KCNJ15: variants seen among roughly 807,000 people sequenced by gnomAD.
The protein encoded by KCNJ15 is ATP-sensitive inward rectifier potassium channel 15.
A neutral mutation model predicts 23.0 loss-of-function variants in KCNJ15; 14 were observed. That is an observed-to-expected ratio of 0.61 (90% CI 0.40 to 0.95). KCNJ15 has a LOEUF of 0.95. KCNJ15 is among the 40% of genes least tolerant of loss of function. The pLI, the probability that KCNJ15 is intolerant of heterozygous loss-of-function variation, is 0.00. For missense variants in KCNJ15, 388 were observed against 461.8 expected, an observed-to-expected ratio of 0.84 and a Z score of 1.46; for synonymous variants, 185 against 183.2, an observed-to-expected ratio of 1.01 and a Z score of -0.08.
intron 1 of KCNJ15, among the ~76,000 whole-genome samples, chr21:38,290,995 AACACAC>A (rs57018976): frequency 4.7e-5 from 6 of 127,196 alleles, no homozygotes; most frequent in African/African-American, 8.8e-5. Context: ...AAAAAGGCTA[AACACAC>A]ACACACACAC....
rs924512033 is a variant in KCNJ15, at chr21:38,302,213, T to C, written c.*1824T>C. On this transcript the variant is annotated 3_prime_UTR_variant, in exon 3 of 3. Coordinates refer to ENST00000398938, the MANE Select transcript of KCNJ15 (RefSeq NM_170736.3). ...TTCTAGTTCTATAAAAATATGAACA[T>C]TGGGACTCAGAGAAAATGGGGAAAA... 1.3e-5 allele frequency: 2 copies of C among 152,214 alleles called. No homozygotes were observed. Among genetic ancestry groups the C allele is most frequent in the African/African-American group, 2.4e-5 (1 of 41,458 alleles). 9.4% of individuals were successfully genotyped at this position (152,214 alleles called of 1,614,324 possible). A position where few individuals can be genotyped will look rare whatever the true frequency, so the allele number is the denominator to read the frequency against.
chr21:38,285,168 C>T (rs1296290293), intron 1 of KCNJ15, among the ~76,000 whole-genome samples: 1 of 152,190 alleles, frequency 6.6e-6, no homozygotes. Context: ...AATGAAGGCT[C>T]TTGTTGATTT....
Position 38,289,196 on chromosome 21 carries a change from C to CAAAAAA in KCNJ15, c.-116-7713_-116-7708dup, listed in dbSNP as rs66914079. On this transcript the variant is annotated intron_variant, in intron 1 of 2. Coordinates refer to ENST00000398938, the MANE Select transcript of KCNJ15 (RefSeq NM_170736.3). ...CCTCGGCAACAGAGCAAGACTGTCT[C>CAAAAAA]AAAAAAAAAAAAAAAAAAAAAAGGT... 2.3e-3 allele frequency among the ~76,000 whole-genome samples: 165 copies of CAAAAAA among 72,398 alleles called. 4 individuals carry two copies. The highest frequency in any genetic ancestry group is 7.5e-3 in the African/African-American group (159 of 21,280). The allele number at this position is 72,398 out of a possible 152,430, so 47.5% of individuals were successfully genotyped here. A position where few individuals can be genotyped will look rare whatever the true frequency, so the allele number is the denominator to read the frequency against.
rs544896155 is a variant in KCNJ15 at position 38,260,787 on chromosome 21, C to G, written c.-117+3602C>G. On this transcript the variant is annotated intron_variant, in intron 1 of 2. Coordinates refer to ENST00000398938, the MANE Select transcript of KCNJ15 (RefSeq NM_170736.3). ...GGACTGAGGACCTACAGAGGGAACACTGGAAAGAATTAGCAACAGAATAAG... is the reference window on the plus strand; with the variant it reads ...GGACTGAGGACCTACAGAGGGAACAGTGGAAAGAATTAGCAACAGAATAAG... Among the ~76,000 whole-genome samples, 3 of 152,308 alleles carry G rather than the reference C, an allele frequency of 2.0e-5. No individual in the cohort carries two copies. In the South Asian group the frequency reaches 6.2e-4, roughly 32 times the overall value.
At chr21:38,266,054 G>A (rs1479845688) in intron 1 of KCNJ15, among the ~76,000 whole-genome samples, 2 of 152,066 alleles carry the variant, frequency 1.3e-5, no homozygotes, top group Non-Finnish European at 2.9e-5. Flanking sequence ...GGAGAGTGAG[G>A]GCCACAGTCA....
intron 1 of KCNJ15, among the ~76,000 whole-genome samples, chr21:38,240,872 A>G (rs970309044): frequency 1.3e-5 from 2 of 152,198 alleles, no homozygotes; most frequent in East Asian, 1.9e-4. Context: ...TGAAATGCAC[A>G]TCTCGCATTC....
intron 1 of KCNJ15, among the ~76,000 whole-genome samples, chr21:38,248,671 CA>C (rs761342217): frequency 9.2e-5 from 14 of 152,120 alleles, no homozygotes; most frequent in South Asian, 2.1e-4. Context: ...TTCTGTGTCC[CA>C]CAATTCAAAC....
chr21:38,246,104 T>G (rs1440503544), intron 1 of KCNJ15, among the ~76,000 whole-genome samples: 1 of 152,236 alleles, frequency 6.6e-6, no homozygotes, highest in Non-Finnish European at 1.5e-5. Context: ...AATAAATTAA[T>G]AATTAAATGA....
At chr21:38,244,331 C>A (rs1004122614) in intron 1 of KCNJ15, among the ~76,000 whole-genome samples, 1 of 152,124 alleles carries the variant, frequency 6.6e-6, no homozygotes, top group Non-Finnish European at 1.5e-5. Flanking sequence ...AACTTAGGAC[C>A]AAGAGGTGGA....
At chr21:38,264,803 T>C (rs1981292988) in intron 1 of KCNJ15, among the ~76,000 whole-genome samples, 1 of 151,980 alleles carries the variant, frequency 6.6e-6, no homozygotes. Context: ...TATTAAGGAG[T>C]GACAAGAAAC....
intron 1 of KCNJ15, among the ~76,000 whole-genome samples, chr21:38,248,451 G>A (rs929221608): frequency 4.6e-5 from 7 of 152,198 alleles, no homozygotes; most frequent in Non-Finnish European, 8.8e-5. Flanking sequence ...ATTTATTCAA[G>A]TAATCTAAAC....
intron 1 of KCNJ15, among the ~76,000 whole-genome samples, chr21:38,280,914 A>G (rs757885170): frequency 7.2e-5 from 11 of 152,276 alleles, no homozygotes; most frequent in Non-Finnish European, 5.9e-5. Flanking sequence ...ATAACCATCC[A>G]TGGAAGAAAT....
chr21:38,291,890 A>G (rs995738180), intron 1 of KCNJ15: 5 of 152,264 alleles, frequency 3.3e-5, no homozygotes, highest in African/African-American at 4.8e-5. Context: ...CTTTGTCTGA[A>G]ATATGGGAAT....
intron 1 of KCNJ15, among the ~76,000 whole-genome samples, chr21:38,231,891 T>C (rs1978320447): frequency 1.3e-5 from 2 of 151,930 alleles, no homozygotes. Context: ...TGAGAACTTT[T>C]GTGTTTATAT....
intron 1 of KCNJ15, among the ~76,000 whole-genome samples, chr21:38,260,663 C>G (rs1331028180): frequency 6.6e-6 from 1 of 152,148 alleles, no homozygotes; most frequent in Non-Finnish European, 1.5e-5. Flanking sequence ...AGGAGAAGGA[C>G]AAAGTTTTGC....
chr21:38,299,638 C>CA lies in KCNJ15; in HGVS notation c.379dup (p.Thr127AsnfsTer31). 1 of 1,614,190 alleles carries CA rather than the reference C, an allele frequency of 6.2e-7. No individual in the cohort carries two copies. Among genetic ancestry groups the CA allele is most frequent in the Non-Finnish European group, 8.5e-7 (1 of 1,180,032 alleles). ...TTTCTCTTTTCCCTGGAATCCCAGA[C>CA]AACCATTGGCTATGGAGTCCGTTCC... is the stretch of plus-strand genomic sequence containing the variant. On this transcript the variant is annotated frameshift_variant, in exon 3 of 3. Transcript: ENST00000398938. LOFTEE classifies it high-confidence loss of function. The surrounding 1 kb of genome is among the most constrained non-coding windows in gnomAD (Gnocchi z 4.5).
At position 38,275,648 on chromosome 21, in the gene KCNJ15, T is replaced by G. The variant is rs1434354446; in HGVS notation, c.-117+18463T>G. Among the ~76,000 whole-genome samples the G allele has an allele frequency of 3.3e-5, 5 of 152,208 alleles. No homozygotes were observed. The East Asian group carries it at 9.6e-4, about 29-fold the overall frequency. On this transcript the variant is annotated intron_variant, in intron 1 of 2. Transcript: ENST00000398938. The stretch of plus-strand genomic sequence containing the variant: ...ATCCCTGTGCCCCACCAAAATATTC[T>G]GATTTTATTGTCCTGTGTCAGAGCC...
chr21:38,232,042 A>G (rs1978324301), intron 1 of KCNJ15, among the ~76,000 whole-genome samples: 1 of 151,710 alleles, frequency 6.6e-6, no homozygotes, highest in South Asian at 2.1e-4. Context: ...TTGAATAAAT[A>G]ATGATTCTTT....
intron 1 of KCNJ15, among the ~76,000 whole-genome samples, chr21:38,287,261 C>T (rs1414282034): frequency 6.6e-6 from 1 of 152,166 alleles, no homozygotes; most frequent in Admixed American, 6.5e-5. Context: ...GGCTGCACCC[C>T]CATCCCGCAG....
Sources: gnomAD v4.1 joint callset for allele counts (sites outside exome capture counted in the v4.1 genomes callset) on GRCh38, gnomAD v4.1.1 for gene constraint, Gnocchi (gnomAD v3.1) non-coding constraint, MANE v1.5 for transcripts, NCBI Gene and HGNC (gene_info 2026-07-23, HGNC 2026-07-21) for gene names.